Variants in PEAR1 observed in about 807,000 individuals in gnomAD.
PEAR1 encodes the protein platelet endothelial aggregation receptor 1, also known as multiple EGF-like domains protein 12.
Under a neutral mutation model 131.2 loss-of-function variants are expected in PEAR1, and 113 were observed. The observed-to-expected ratio is 0.86, with a 90% CI of 0.74 to 1.01. The LOEUF is 1.01. Ranked by LOEUF, PEAR1 falls within the 50% of genes least tolerant of loss-of-function variation. The pLI is 0.00. For synonymous variants in PEAR1, 565 were observed against 523.3 expected (o/e 1.08, Z -1.09); for missense variants, 1,408 against 1,391.1 (o/e 1.01, Z -0.19).
Position 156,906,319 on chromosome 1 carries a change from C to A in PEAR1, c.351C>A (p.Pro117=), listed in dbSNP as rs762501589. The change falls in exon 5 of 23, where the codon CCC becomes CCA. Residue 117 remains proline, a synonymous_variant. Coordinates refer to ENST00000292357, the MANE Select transcript of PEAR1 (RefSeq NM_001080471.3). ...GTGTCCATGGCCGTTGTGTGGCACC[C>A]AATCAGTGCCAATGTGTGCCAGGCT... ...QECVHGRCVA[P]NQCQCVPGWR... 6.2e-7 allele frequency: 1 copy of A among 1,614,092 alleles called. No individual in the cohort carries two copies. Among genetic ancestry groups the A allele is most frequent in the Non-Finnish European group, 8.5e-7 (1 of 1,180,044 alleles).
In PEAR1 at chr1:156,913,383, C is replaced by A. The variant is rs774612556; in HGVS notation, c.2512-8C>A. On this transcript the variant is annotated splice_polypyrimidine_tract_variant and splice_region_variant and intron_variant, in intron 19 of 22. Transcript: ENST00000292357. Reference sequence around the variant, plus strand: ...TCTTGCTCTCCCTCCTGCACTGTCCCCTCTTAGGTTCCAGGCCCGCTCTTT... The same window carrying A: ...TCTTGCTCTCCCTCCTGCACTGTCCACTCTTAGGTTCCAGGCCCGCTCTTT... 2 of 1,613,226 alleles carry A rather than the reference C, an allele frequency of 1.2e-6. No individual in the cohort carries two copies. Among genetic ancestry groups the A allele is most frequent in the Non-Finnish European group, 1.7e-6 (2 of 1,179,620 alleles).
At chr1:156,911,797 G>A (rs1002783912) in intron 15 of PEAR1, among the ~76,000 whole-genome samples, 1 of 152,214 alleles carries the variant, frequency 6.6e-6, no homozygotes, top group African/African-American at 2.4e-5. Flanking sequence ...AGCAGGCGGG[G>A]TAAAGAAGGA....
Position 156,907,717 on chromosome 1 carries a change from C to A in PEAR1, c.752C>A (p.Pro251His). The A allele has an allele frequency of 6.2e-7, 1 of 1,610,188 alleles. No individual in the cohort carries two copies. The highest frequency in any genetic ancestry group is 8.5e-7 in the Non-Finnish European group (1 of 1,177,830). ...ACCCCACAGGGCTCCTGCAGCTGCC[C>A]CCCTGGCTGGATGGTATGGAGGGTG... ...FQTPQGSCSCPPGWMGTICSL... is the reference protein window; with the variant it reads ...FQTPQGSCSCHPGWMGTICSL... Residue 251 changes from proline to histidine, a missense_variant, in exon 7 of 23, where the codon CCC becomes CAC. By Grantham distance (77) the Pro-to-His change is moderately conservative. Transcript: ENST00000292357.
Position 156,909,886 on chromosome 1 carries a change from A to T in PEAR1, c.1547A>T (p.His516Leu). Residue 516 changes from histidine to leucine, a missense_variant, in exon 12 of 23, where the codon CAT becomes CTT. Transcript: ENST00000292357. ...TGACTCTPGW[H>L]GAHCQLPCPK... Reference sequence around the variant, plus strand: ...GCCTGTACCTGCACCCCTGGGTGGCATGGGGCCCACTGCCAGCTGCCCTGT... The same window carrying T: ...GCCTGTACCTGCACCCCTGGGTGGCTTGGGGCCCACTGCCAGCTGCCCTGT... 1 of 1,609,534 alleles carries T rather than the reference A, an allele frequency of 6.2e-7. No homozygotes were observed. Among genetic ancestry groups the T allele is most frequent in the Non-Finnish European group, 8.5e-7 (1 of 1,176,598 alleles).
In PEAR1 at chr1:156,913,002, G is replaced by A; in HGVS notation, c.2422+20G>A. ...TGCCAGGTGAGCTGGCACAGGGCCT[G>A]GGGCACAGATGAGTGGCTGGCTCAT... On this transcript the variant is annotated intron_variant, in intron 18 of 22. Coordinates refer to ENST00000292357, the MANE Select transcript of PEAR1 (RefSeq NM_001080471.3). The A allele has an allele frequency of 1.2e-6, 2 of 1,613,478 alleles. No homozygotes were observed. Among genetic ancestry groups the A allele is most frequent in the South Asian group, 2.2e-5 (2 of 91,028 alleles).
intron 1 of PEAR1, among the ~76,000 whole-genome samples, chr1:156,898,404 A>T (rs1649368074): frequency 6.6e-6 from 1 of 152,036 alleles, no homozygotes; most frequent in Non-Finnish European, 1.5e-5. Flanking sequence ...CTGGCCGCAT[A>T]CGCAGGCTTC....
chr1:156,909,337 C>T (rs2103007712), intron 11 of PEAR1, among the ~76,000 whole-genome samples: 1 of 152,334 alleles, frequency 6.6e-6, no homozygotes, highest in Non-Finnish European at 1.5e-5. Flanking sequence ...AAGGGCCTCA[C>T]ATCTGCCAGA....
chr1:156,914,487 C>G (rs531081078), intron 22 of PEAR1, among the ~76,000 whole-genome samples, 160 bp from the exon 23 acceptor site: 1 of 152,208 alleles, frequency 6.6e-6, no homozygotes, highest in South Asian at 2.1e-4. Context: ...TGCTTGGAGC[C>G]GCACGGCCAG....
intron 3 of PEAR1, 36 bp from the exon 4 acceptor site, chr1:156,905,288 A>C: frequency 6.3e-7 from 1 of 1,596,080 alleles, no homozygotes; most frequent in Non-Finnish European, 8.5e-7. Context: ...TGCGGACAGC[A>C]GGGAGGGCTG....
In PEAR1 at chr1:156,902,710, G is replaced by A. The variant is rs1341400974; in HGVS notation, c.-9-1208G>A. Among the ~76,000 whole-genome samples the A allele has an allele frequency of 1.3e-5, 2 of 152,164 alleles. No homozygotes were observed. The highest frequency in any genetic ancestry group is 2.9e-5 in the Non-Finnish European group (2 of 68,030). On this transcript the variant is annotated intron_variant, in intron 1 of 22. Coordinates refer to ENST00000292357, the MANE Select transcript of PEAR1 (RefSeq NM_001080471.3). This position sits in a 1 kb window ranked among gnomAD's most constrained non-coding sequence, Gnocchi z 4.3. ...CTCAGAAAAATTATAAGCAGATGTG[G>A]GCGCCTCGGGGAGGCGTAGAGCAGG...
At position 156,913,954 on chromosome 1, in the gene PEAR1, G is replaced by A. The variant is rs139535034; in HGVS notation, c.2816G>A (p.Arg939Gln). ...CTGCCCAGCTTGCCAGGGGGCCCCCGGGAGAGCAGCTACATGGAGATGAAA... is the reference window on the plus strand; with the variant it reads ...CTGCCCAGCTTGCCAGGGGGCCCCCAGGAGAGCAGCTACATGGAGATGAAA... ...RDLPSLPGGPRESSYMEMKGP... is the reference protein window; with the variant it reads ...RDLPSLPGGPQESSYMEMKGP... Residue 939 changes from arginine (R) to glutamine (Q), a missense_variant, in exon 22 of 23, where the codon CGG becomes CAG. Coordinates refer to ENST00000292357, the MANE Select transcript of PEAR1 (RefSeq NM_001080471.3). 6.1e-5 allele frequency: 98 copies of A among 1,613,986 alleles called. No homozygotes were observed. Among genetic ancestry groups the A allele is most frequent in the Non-Finnish European group, 7.9e-5 (93 of 1,179,978 alleles).
intron 1 of PEAR1, among the ~76,000 whole-genome samples, chr1:156,895,075 C>A (rs1379863143): frequency 1.3e-5 from 2 of 152,214 alleles, no homozygotes; most frequent in African/African-American, 4.8e-5. Flanking sequence ...AAGGCCCACC[C>A]ACCATGTTCC....
chr1:156,895,723 C>T (rs928943314), intron 1 of PEAR1, among the ~76,000 whole-genome samples: 1 of 151,856 alleles, frequency 6.6e-6, no homozygotes, highest in South Asian at 2.1e-4. Flanking sequence ...AAAAAGGAGG[C>T]GGAGACAGAG....
intron 3 of PEAR1, 106 bp downstream of exon 3, chr1:156,904,958 C>T (rs977451017): frequency 6.4e-7 from 1 of 1,568,070 alleles, no homozygotes; most frequent in South Asian, 1.2e-5. Context: ...TCAGAGGAAA[C>T]TCCTGGCTTC....
intron 2 of PEAR1, 51 bp downstream of exon 2, chr1:156,904,078 T>C (rs776560608): frequency 8.5e-6 from 12 of 1,418,292 alleles, no homozygotes; most frequent in Middle Eastern, 1.8e-4. Context: ...AGCTCCCGAT[T>C]GTCCCTATTG....
At chr1:156,903,295 A>C (rs1054892526) in intron 1 of PEAR1, among the ~76,000 whole-genome samples, 2 of 152,112 alleles carry the variant, frequency 1.3e-5, no homozygotes. Context: ...TTCTGCCTGC[A>C]TATGTCCAGT....
chr1:156,914,038 G>A lies in PEAR1; in HGVS notation c.2900G>A (p.Arg967Gln), dbSNP rs146753859. The A allele has an allele frequency of 1.9e-5, 30 of 1,609,322 alleles. No homozygotes were observed. Among genetic ancestry groups the A allele is most frequent in the African/African-American group, 1.7e-4 (13 of 74,796 alleles). ...QPPQFWDSQR[R>Q]RQPQPQRDSG... ...CCTCAGTTCTGGGACAGCCAGAGGCGGCGGCAACCCCAGCCACAGAGAGAC... is the reference window on the plus strand; with the variant it reads ...CCTCAGTTCTGGGACAGCCAGAGGCAGCGGCAACCCCAGCCACAGAGAGAC... Residue 967 changes from arginine (R) to glutamine (Q), a missense_variant, in exon 22 of 23, where the codon CGG (arginine) becomes CAG (glutamine). By Grantham distance (43) the Arg-to-Gln change is conservative (BLOSUM62 1). Transcript: ENST00000292357.
chr1:156,910,809 C>G, intron 15 of PEAR1, 66 bp downstream of exon 15: 1 of 1,593,264 alleles, frequency 6.3e-7, no homozygotes, highest in Non-Finnish European at 8.6e-7. Context: ...GACGGGAGGT[C>G]TCTGTCCCCC....
intron 1 of PEAR1, 65 bp from the exon 2 acceptor site, chr1:156,903,853 G>T: frequency 7.4e-7 from 1 of 1,351,080 alleles, no homozygotes; most frequent in East Asian, 2.3e-5. Flanking sequence ...TCAGATCTCT[G>T]CAGACAGGTC....
Sources: allele counts gnomAD v4.1 joint callset (sites outside exome capture counted in the v4.1 genomes callset), GRCh38; gene constraint gnomAD v4.1.1; non-coding constraint Gnocchi (gnomAD v3.1); transcripts MANE v1.5; gene names NCBI Gene and HGNC (gene_info 2026-07-23, HGNC 2026-07-21).